ROBO2: variants seen among roughly 807,000 people sequenced by gnomAD.
ROBO2 encodes the protein roundabout guidance receptor 2.
A neutral mutation model predicts 160.8 loss-of-function variants in ROBO2; 53 were observed. The observed-to-expected ratio is 0.33, with a 90% CI of 0.26 to 0.41. The LOEUF (loss-of-function observed/expected upper bound fraction) is 0.41. Ranked by LOEUF, ROBO2 falls within the 10% of genes least tolerant of loss-of-function variation. The pLI, the probability that ROBO2 is intolerant of heterozygous loss-of-function variation, is 1.00. For synonymous variants in ROBO2, 664 were observed against 611.7 expected (o/e 1.09, Z -1.26); for missense variants, 1,577 against 1,722.4 (o/e 0.92, Z 1.49).
chr3:76,163,129 T>G (rs896652291), intron 2 of ROBO2, among the ~76,000 whole-genome samples: 2 of 152,122 alleles, frequency 1.3e-5, no homozygotes, highest in Non-Finnish European at 2.9e-5. Context: ...TGTTTTATCA[T>G]GTTTATCATT....
At chr3:77,416,382 G>C (rs891037438) in intron 2 of ROBO2, among the ~76,000 whole-genome samples, 2 of 152,088 alleles carry the variant, frequency 1.3e-5, no homozygotes, top group Non-Finnish European at 2.9e-5. Context: ...TCTTTGGCTT[G>C]AGGTTGGATT....
intron 2 of ROBO2, among the ~76,000 whole-genome samples, chr3:76,957,728 G>C (rs940982417): frequency 6.6e-6 from 1 of 151,864 alleles, no homozygotes; most frequent in Non-Finnish European, 1.5e-5. Flanking sequence ...CTACTCAGGA[G>C]GCTGAGGCAG....
At chr3:76,815,526 T>C (rs1324578303) in intron 2 of ROBO2, among the ~76,000 whole-genome samples, 1 of 152,064 alleles carries the variant, frequency 6.6e-6, no homozygotes, top group Non-Finnish European at 1.5e-5. Context: ...GAGTGTTGTG[T>C]TTTCAACTAT....
chr3:77,017,217 A>G (rs144070745), intron 2 of ROBO2, among the ~76,000 whole-genome samples: 5 of 152,348 alleles, frequency 3.3e-5, no homozygotes, highest in Admixed American at 1.3e-4. Flanking sequence ...ATCTAATTTT[A>G]TAAACTGCAA....
At chr3:76,802,482 A>G (rs1321876456) in intron 2 of ROBO2, among the ~76,000 whole-genome samples, 2 of 152,082 alleles carry the variant, frequency 1.3e-5, no homozygotes, top group African/African-American at 2.4e-5. Flanking sequence ...TGATCCCAGC[A>G]CTTTGGGAGG....
intron 2 of ROBO2, among the ~76,000 whole-genome samples, chr3:76,559,573 T>A (rs2084027298): frequency 6.6e-6 from 1 of 152,118 alleles, no homozygotes; most frequent in South Asian, 2.1e-4. Flanking sequence ...TACTTCTTAC[T>A]ATACTCTTCC....
At chr3:77,561,650 A>G (rs2093325246) in intron 9 of ROBO2, among the ~76,000 whole-genome samples, 2 of 152,308 alleles carry the variant, frequency 1.3e-5, no homozygotes, top group Admixed American at 1.3e-4. Context: ...AAAAAGAGTT[A>G]TGAATTATGA....
At chr3:76,255,727 T>G (rs1484221428) in intron 2 of ROBO2, among the ~76,000 whole-genome samples, 1 of 152,116 alleles carries the variant, frequency 6.6e-6, no homozygotes, top group Non-Finnish European at 1.5e-5. Flanking sequence ...ATTTTACTCT[T>G]TCTCTCGGTT....
chr3:77,538,239 T>C (rs1315296126), intron 6 of ROBO2, among the ~76,000 whole-genome samples: 6 of 139,364 alleles, frequency 4.3e-5, no homozygotes, highest in East Asian at 2.2e-4. Context: ...AGTGCAGTGG[T>C]GCGATCTCGG....
At chr3:77,363,032 A>G (rs150673199) in intron 2 of ROBO2, among the ~76,000 whole-genome samples, 1 of 152,280 alleles carries the variant, frequency 6.6e-6, no homozygotes, top group Admixed American at 6.5e-5. Context: ...GTCAAACCAT[A>G]TCAAACAGGT....
intron 2 of ROBO2, among the ~76,000 whole-genome samples, chr3:76,298,365 G>A (rs1559731476): frequency 6.6e-6 from 1 of 152,106 alleles, no homozygotes; most frequent in Non-Finnish European, 1.5e-5. Flanking sequence ...CAAGAAATTC[G>A]AGGTTCCAAA....
intron 2 of ROBO2, among the ~76,000 whole-genome samples, chr3:76,137,779 C>T (rs893031529): frequency 2.2e-4 from 33 of 151,938 alleles, no homozygotes; most frequent in Admixed American, 7.2e-4. Flanking sequence ...TCAAAGCCAA[C>T]AATTGCAAGT....
intron 2 of ROBO2, among the ~76,000 whole-genome samples, chr3:76,071,156 A>G (rs1453476219): frequency 6.6e-6 from 1 of 152,180 alleles, no homozygotes; most frequent in African/African-American, 2.4e-5. Flanking sequence ...ATCCATTTAG[A>G]TAAACATCAA....
chr3:77,490,656 A>T (rs1181206017), intron 4 of ROBO2, among the ~76,000 whole-genome samples: 1 of 152,026 alleles, frequency 6.6e-6, no homozygotes, highest in Non-Finnish European at 1.5e-5. Flanking sequence ...CATTCTTACC[A>T]TTTCTATGAT....
chr3:77,000,434 C>A (rs1178187196), intron 2 of ROBO2, among the ~76,000 whole-genome samples: 1 of 152,136 alleles, frequency 6.6e-6, no homozygotes, highest in Non-Finnish European at 1.5e-5. Flanking sequence ...TATTCAAGGC[C>A]CTGCATCTCC....
At chr3:76,031,493 G>T (rs906876781) in intron 2 of ROBO2, among the ~76,000 whole-genome samples, 1 of 152,130 alleles carries the variant, frequency 6.6e-6, no homozygotes, top group South Asian at 2.1e-4. Flanking sequence ...GATATTGGCT[G>T]TGGGTTTGTC....
chr3:76,789,638 C>T (rs2063220160), intron 2 of ROBO2, among the ~76,000 whole-genome samples: 1 of 151,588 alleles, frequency 6.6e-6, no homozygotes, highest in Admixed American at 6.6e-5. Context: ...AAAGAAGCTG[C>T]CCAAGTTCAT....
At chr3:76,530,296 T>G (rs1470649663) in intron 2 of ROBO2, among the ~76,000 whole-genome samples, 1 of 152,190 alleles carries the variant, frequency 6.6e-6, no homozygotes, top group Non-Finnish European at 1.5e-5. Flanking sequence ...TGATTTTGGA[T>G]TCTCCTGATT....
intron 4 of ROBO2, among the ~76,000 whole-genome samples, chr3:77,481,481 C>CA (rs2084685067): frequency 6.6e-6 from 1 of 152,100 alleles, no homozygotes; most frequent in African/African-American, 2.4e-5. Context: ...CGTTCTTTCT[C>CA]AAAGTCTATT....
Sources: allele counts gnomAD v4.1 joint callset (sites outside exome capture counted in the v4.1 genomes callset), GRCh38; gene constraint gnomAD v4.1.1; transcripts MANE v1.5; gene names NCBI Gene and HGNC (gene_info 2026-07-23, HGNC 2026-07-21).